Variants in HEPH observed in about 807,000 individuals in gnomAD.
HEPH encodes the protein hephaestin.
A neutral mutation model predicts 80.8 loss-of-function variants in HEPH; 69 were observed. The ratio of observed to expected loss-of-function variants is 0.85; its 90% confidence interval spans 0.70 to 1.04. The LOEUF is 1.04. Ranked by LOEUF, HEPH falls within the 50% of genes least tolerant of loss-of-function variation. The pLI is 0.00. For synonymous variants in HEPH, 431 were observed against 322.8 expected, an observed-to-expected ratio of 1.34 and a Z score of -3.60; for missense variants, 1,115 against 891.3, an observed-to-expected ratio of 1.25 and a Z score of -3.20.
rs775934289 is a variant in HEPH, at chrX:66,229,557, C to T, written c.2563+21311C>T. On this transcript the variant is annotated intron_variant, in intron 15 of 20. Transcript: ENST00000343002. ...TATCAGAAATCACCACTAAAGAACT[C>T]ATTCATGTAACCAAATACCACCTGT... Among the ~76,000 whole-genome samples the T allele has an allele frequency of 8.1e-5, 9 of 111,548 alleles. No homozygotes were observed. The South Asian group carries it at 3.4e-3, about 43-fold the overall frequency.
chrX:66,217,638 G>C (rs5965113), intron 15 of HEPH, among the ~76,000 whole-genome samples: 7,467 of 110,984 alleles, frequency 0.067, 601 homozygotes, highest in African/African-American at 0.23. Flanking sequence ...AAAAGCCAAG[G>C]TATTCAGGCA....
chrX:66,225,648 G>T (rs185796277), intron 15 of HEPH, among the ~76,000 whole-genome samples: 2 of 112,258 alleles, frequency 1.8e-5, no homozygotes, highest in Admixed American at 9.4e-5. Flanking sequence ...CTCCACAGGG[G>T]CCTGCCATGC....
chrX:66,253,772 A>T lies in HEPH; in HGVS notation c.2564-1263A>T, dbSNP rs571137637. Among the ~76,000 whole-genome samples the T allele has an allele frequency of 7.1e-5, 8 of 112,411 alleles. No individual in the cohort carries two copies. In the Admixed American group the frequency reaches 7.5e-4, roughly 11 times the overall value. On this transcript the variant is annotated intron_variant, in intron 15 of 20. Coordinates refer to ENST00000343002, the MANE Select transcript of HEPH (RefSeq NM_001367233.3). ...TATTATTTGGCAATAAACACAACTA[A>T]GTATTGATATGTGCTACAAAGGGGG...
intron 11 of HEPH, 121 bp from the exon 12 acceptor site, chrX:66,200,419 G>T (rs1034151721): frequency 1.6e-5 from 8 of 515,024 alleles, no homozygotes; most frequent in Non-Finnish European, 2.6e-5. Context: ...GAGGTGTTGA[G>T]GATGACTCAG....
intron 15 of HEPH, among the ~76,000 whole-genome samples, chrX:66,217,330 A>T (rs1167516094): frequency 9.0e-6 from 1 of 111,699 alleles, no homozygotes; most frequent in Admixed American, 9.5e-5. Context: ...TTAACAGAAG[A>T]TTTCTCAGCA....
intron 15 of HEPH, among the ~76,000 whole-genome samples, chrX:66,228,538 T>C (rs2089985282): frequency 8.9e-6 from 1 of 112,522 alleles, no homozygotes; most frequent in Non-Finnish European, 1.9e-5. Flanking sequence ...AGATGGGACT[T>C]AAATAAACTA....
chrX:66,226,449 A>G (rs1272588191), intron 15 of HEPH, among the ~76,000 whole-genome samples: 1 of 112,503 alleles, frequency 8.9e-6, no homozygotes, highest in Non-Finnish European at 1.9e-5. Flanking sequence ...AACCAAGATC[A>G]GAGCAGAACT....
At chrX:66,165,196 C>T (rs746377600) in intron 1 of HEPH, among the ~76,000 whole-genome samples, 2 of 111,654 alleles carry the variant, frequency 1.8e-5, no homozygotes, top group South Asian at 7.5e-4. Context: ...TTATTTGGGC[C>T]TCAAGACAAT....
chrX:66,265,522 G>T (rs1401822537), intron 20 of HEPH, among the ~76,000 whole-genome samples: 1 of 111,153 alleles, frequency 9.0e-6, no homozygotes, highest in Non-Finnish European at 1.9e-5. Context: ...TGGGAAGTGA[G>T]GGATTAGGTC....
intron 20 of HEPH, among the ~76,000 whole-genome samples, chrX:66,263,987 C>T (rs1330421744): frequency 9.0e-6 from 1 of 110,583 alleles, no homozygotes; most frequent in African/African-American, 3.3e-5. Context: ...GAAGTAAATT[C>T]TAGATACTAG....
chrX:66,194,576 C>T (rs781496176), intron 8 of HEPH, among the ~76,000 whole-genome samples: 1 of 111,829 alleles, frequency 8.9e-6, no homozygotes, highest in African/African-American at 3.2e-5. Flanking sequence ...GGCTAGATTA[C>T]CTAGTACAGT....
intron 10 of HEPH, 119 bp from the exon 11 acceptor site, chrX:66,198,759 C>A: frequency 1.8e-6 from 1 of 565,986 alleles, no homozygotes; most frequent in Non-Finnish European, 2.9e-6. Context: ...GAGGTATGGT[C>A]TCAAAATGGG....
At chrX:66,236,466 A>G (rs781337504) in intron 15 of HEPH, among the ~76,000 whole-genome samples, 1 of 111,857 alleles carries the variant, frequency 8.9e-6, no homozygotes, top group South Asian at 3.8e-4. Flanking sequence ...GATAAAGCCA[A>G]TTTTATCATG....
chrX:66,244,006 T>C (rs1483001668), intron 15 of HEPH, among the ~76,000 whole-genome samples: 5 of 112,069 alleles, frequency 4.5e-5, no homozygotes, highest in Non-Finnish European at 9.4e-5. Flanking sequence ...AGGCCCCCAG[T>C]CTCTTCTGCC....
rs776851026 is a variant in HEPH at position 66,260,116 on chromosome X, G to A, written c.3053G>A (p.Arg1018Gln). 58 of 1,205,139 alleles carry A rather than the reference G, an allele frequency of 4.8e-5. No homozygotes were observed. The highest frequency in any genetic ancestry group is 3.0e-5 in the East Asian group (1 of 33,656). ...CTCTTGCAGAATGGCGAGAACTACC[G>A]GGCAGATGTGGTGGATCTGTTCCCA... ...SFLYRNGENYRADVVDLFPGT... is the reference protein window; with the variant it reads ...SFLYRNGENYQADVVDLFPGT... The change falls in exon 19 of 21, where the codon CGG (arginine) becomes CAG (glutamine). Residue 1018 changes from arginine (R) to glutamine (Q), a missense_variant. Arg to Gln is a conservative substitution (Grantham distance 43). Transcript: ENST00000343002.
intron 4 of HEPH, among the ~76,000 whole-genome samples, chrX:66,180,032 G>T (rs748882470): frequency 9.0e-6 from 1 of 111,107 alleles, no homozygotes; most frequent in East Asian, 2.8e-4. Context: ...TTTCCATTCT[G>T]CATTTTTGTA....
intron 15 of HEPH, among the ~76,000 whole-genome samples, chrX:66,230,023 G>A (rs1334374839): frequency 1.0e-5 from 1 of 100,501 alleles, no homozygotes; most frequent in Non-Finnish European, 2.0e-5. Context: ...AGAATATGTG[G>A]TGTTTGGTTT....
intron 15 of HEPH, among the ~76,000 whole-genome samples, chrX:66,213,892 C>T (rs1278755671): frequency 2.7e-5 from 3 of 112,286 alleles, no homozygotes; most frequent in Non-Finnish European, 3.8e-5. Flanking sequence ...CACAAATCTG[C>T]CTTCTAGAAC....
At position 66,266,584 on chromosome X, in the gene HEPH, T is replaced by C. The variant is rs1255727953; in HGVS notation, c.3389T>C (p.Val1130Ala). Residue 1130 changes from valine to alanine, a missense_variant, in exon 21 of 21, where the codon GTT becomes GCT. By Grantham distance (64) the Val-to-Ala change is moderately conservative. Around this residue, in one of 3 missense-constraint regions of HEPH, gnomAD observed 716 missense variants for 523.5 expected, o/e 1.37. Coordinates refer to ENST00000343002, the MANE Select transcript of HEPH (RefSeq NM_001367233.3). ...GTTGTTCTGGCTCTTGGTGGAGTGG[T>C]TTGGTACCAACATCGACAGAGAAAG... ...LLVVLALGGVVWYQHRQRKLR... is the reference protein window; with the variant it reads ...LLVVLALGGVAWYQHRQRKLR... 10 of 1,207,977 alleles carry C rather than the reference T, an allele frequency of 8.3e-6. No homozygotes were observed. The highest frequency in any genetic ancestry group is 1.0e-5 in the Non-Finnish European group (9 of 894,318).
Sources: gnomAD v4.1 joint callset for allele counts (sites outside exome capture counted in the v4.1 genomes callset) on GRCh38, gnomAD v4.1.1 for gene constraint, gnomAD v4.1.1 regional missense constraint, MANE v1.5 for transcripts, NCBI Gene and HGNC (gene_info 2026-07-23, HGNC 2026-07-21) for gene names.